SHANK2: variants seen among roughly 807,000 people sequenced by gnomAD.
SHANK2 encodes the protein SH3 and multiple ankyrin repeat domains protein 2.
In SHANK2, 43 loss-of-function variants were observed where a neutral mutation model predicts 133.7. The ratio of observed to expected loss-of-function variants is 0.32; its 90% CI spans 0.25 to 0.41. The LOEUF (loss-of-function observed/expected upper bound fraction) is 0.41, where lower values mean the gene tolerates loss of function less well. Among genes scored for constraint, SHANK2 ranks in the 10% least tolerant of loss-of-function variants. SHANK2 has a pLI of 1.00. For synonymous variants in SHANK2, 1,017 were observed against 952.8 expected, an observed-to-expected ratio of 1.07 and a Z score of -1.24; for missense variants, 1,994 against 2,235.8, an observed-to-expected ratio of 0.89 and a Z score of 2.18.
At chr11:71,093,499 C>T (rs917080138) in intron 7 of SHANK2, among the ~76,000 whole-genome samples, 1 of 152,030 alleles carries the variant, frequency 6.6e-6, no homozygotes, top group East Asian at 1.9e-4. Context: ...TGGCTTAACA[C>T]CACCCACTCA....
rs942340911 is a variant in SHANK2 at position 70,866,694 on chromosome 11, C to A, written c.1174+29807G>T. Among the ~76,000 whole-genome samples, 3 of 152,062 alleles carry A rather than the reference C, an allele frequency of 2.0e-5. No individual in the cohort carries two copies. The East Asian group carries it at 5.8e-4, about 29-fold the overall frequency. The stretch of plus-strand genomic sequence containing the variant: ...TTTCTTATCAGTTCACGCAGGGGCC[C>A]GGAGACACACAAGTCAACAAATAGG... On this transcript the variant is annotated intron_variant, in intron 11 of 25. Coordinates refer to ENST00000601538, the MANE Select transcript of SHANK2 (RefSeq NM_012309.5).
At chr11:70,596,100 T>C (rs544099452) in intron 17 of SHANK2, among the ~76,000 whole-genome samples, 6 of 152,290 alleles carry the variant, frequency 3.9e-5, no homozygotes, top group Non-Finnish European at 7.4e-5. Flanking sequence ...AGCTGACACC[T>C]TGGTTTCAGA....
At chr11:71,136,923 C>T (rs11232209) in intron 3 of SHANK2, among the ~76,000 whole-genome samples, 19,398 of 152,152 alleles carry the variant, frequency 0.13, 3,224 homozygotes, top group African/African-American at 0.39. Flanking sequence ...AGTGCAGTGG[C>T]GCGATCTCCA....
intron 17 of SHANK2, among the ~76,000 whole-genome samples, chr11:70,531,013 A>G (rs184560673): frequency 1.8e-3 from 281 of 151,922 alleles, no homozygotes; most frequent in African/African-American, 6.5e-3. Context: ...TAAAAATACA[A>G]AAATAAATAA....
At chr11:71,059,487 G>T (rs971661410) in intron 9 of SHANK2, among the ~76,000 whole-genome samples, 1 of 152,170 alleles carries the variant, frequency 6.6e-6, no homozygotes, top group Non-Finnish European at 1.5e-5. Flanking sequence ...TATGGTGTGT[G>T]AATTGCATCT....
At chr11:70,550,219 G>A (rs1554977561) in intron 17 of SHANK2, among the ~76,000 whole-genome samples, 7 of 152,048 alleles carry the variant, frequency 4.6e-5, no homozygotes, top group Admixed American at 6.5e-5. Flanking sequence ...ACCCACTCCC[G>A]GTAGCACCTC....
intron 14 of SHANK2, among the ~76,000 whole-genome samples, chr11:70,723,735 G>A (rs1433394660): frequency 6.6e-6 from 1 of 152,108 alleles, no homozygotes; most frequent in Non-Finnish European, 1.5e-5. Flanking sequence ...GCCTTACTTG[G>A]TGTAACACTA....
At chr11:71,076,534 CAA>C (rs1225731876) in intron 8 of SHANK2, among the ~76,000 whole-genome samples, 1 of 144,420 alleles carries the variant, frequency 6.9e-6, no homozygotes, top group Admixed American at 6.9e-5. Context: ...AAACGAAAAA[CAA>C]AAAAAAAAAC....
chr11:70,615,278 G>A (rs1263243082), intron 17 of SHANK2, among the ~76,000 whole-genome samples: 1 of 152,136 alleles, frequency 6.6e-6, no homozygotes, highest in African/African-American at 2.4e-5. Context: ...ATGAGGGCCT[G>A]ATACCTGGTG....
At chr11:70,837,530 T>C (rs1948838208) in intron 11 of SHANK2, among the ~76,000 whole-genome samples, 1 of 152,256 alleles carries the variant, frequency 6.6e-6, no homozygotes, top group African/African-American at 2.4e-5. Flanking sequence ...TGTGACTTTT[T>C]CCTTCATTGT....
intron 3 of SHANK2, among the ~76,000 whole-genome samples, chr11:71,131,886 C>T (rs1208709024): frequency 1.3e-5 from 2 of 152,196 alleles, no homozygotes; most frequent in East Asian, 1.9e-4. Context: ...ATTAGCACCC[C>T]CAGGCCCAAA....
intron 11 of SHANK2, among the ~76,000 whole-genome samples, chr11:70,859,050 C>A (rs1371768680): frequency 6.6e-6 from 1 of 152,142 alleles, no homozygotes; most frequent in Non-Finnish European, 1.5e-5. Flanking sequence ...TACAGCACTG[C>A]TCTGGATGGG....
chr11:70,902,278 T>C (rs1195988670), intron 10 of SHANK2, among the ~76,000 whole-genome samples: 1 of 152,234 alleles, frequency 6.6e-6, no homozygotes, highest in African/African-American at 2.4e-5. Context: ...AGGCCTTTTA[T>C]GGACATTTAA....
intron 14 of SHANK2, among the ~76,000 whole-genome samples, chr11:70,792,539 T>G (rs1227480587): frequency 1.3e-5 from 2 of 152,246 alleles, no homozygotes; most frequent in African/African-American, 4.8e-5. Context: ...GAGCAGCCAC[T>G]TCTTTACTGA....
chr11:70,675,975 T>C (rs1555017129), intron 15 of SHANK2, among the ~76,000 whole-genome samples: 1 of 152,258 alleles, frequency 6.6e-6, no homozygotes, highest in African/African-American at 2.4e-5. Context: ...AGGCATCTCC[T>C]GGGCACAGCA....
At chr11:71,074,153 T>G (rs990892403) in intron 9 of SHANK2, among the ~76,000 whole-genome samples, 1 of 152,058 alleles carries the variant, frequency 6.6e-6, no homozygotes, top group African/African-American at 2.4e-5. Flanking sequence ...AGGCAGCAGG[T>G]GAGGATGACC....
intron 2 of SHANK2, among the ~76,000 whole-genome samples, chr11:71,189,650 T>A (rs1247192186): frequency 6.6e-6 from 1 of 152,234 alleles, no homozygotes; most frequent in African/African-American, 2.4e-5. Flanking sequence ...TTCGCCCGCG[T>A]TGGCCTCCCA....
At chr11:70,580,406 C>T (rs371291270) in intron 17 of SHANK2, among the ~76,000 whole-genome samples, 2 of 152,366 alleles carry the variant, frequency 1.3e-5, no homozygotes, top group South Asian at 4.1e-4. Flanking sequence ...TTTGTCACTG[C>T]AGACCGTGCC....
At chr11:71,168,269 C>T (rs1953225848) in intron 2 of SHANK2, among the ~76,000 whole-genome samples, 1 of 135,740 alleles carries the variant, frequency 7.4e-6, no homozygotes, top group Admixed American at 7.0e-5. Flanking sequence ...GATGGGATGG[C>T]GGCTGGGAAG....
Sources: allele counts gnomAD v4.1 joint callset (sites outside exome capture counted in the v4.1 genomes callset), GRCh38; gene constraint gnomAD v4.1.1; transcripts MANE v1.5; gene names NCBI Gene and HGNC (gene_info 2026-07-23, HGNC 2026-07-21).